EYA2: variants seen among roughly 807,000 people sequenced by gnomAD.
EYA2 encodes EYA transcriptional coactivator and phosphatase 2.
EYA2 carries 31 observed loss-of-function variants against 69.2 expected under a neutral mutation model. That is an observed-to-expected ratio of 0.45 (90% CI 0.34 to 0.60). The LOEUF (loss-of-function observed/expected upper bound fraction) is 0.60, where lower values mean the gene tolerates loss of function less well. Among genes scored for constraint, EYA2 ranks in the 20% least tolerant of loss-of-function variants. The pLI is 0.02. For synonymous variants in EYA2, 257 were observed against 279.4 expected (o/e 0.92, Z 0.80); for missense variants, 622 against 701.2 (o/e 0.89, Z 1.28).
chr20:47,018,414 G>A (rs1406807557), intron 5 of EYA2, among the ~76,000 whole-genome samples: 5 of 152,228 alleles, frequency 3.3e-5, no homozygotes, highest in African/African-American at 1.2e-4. Flanking sequence ...GAGAAAGATG[G>A]ACAGTAATCA....
chr20:46,969,425 C>T (rs1165499655), intron 1 of EYA2, among the ~76,000 whole-genome samples: 1 of 152,186 alleles, frequency 6.6e-6, no homozygotes, highest in African/African-American at 2.4e-5. Flanking sequence ...AGTAGGTTCT[C>T]TGTAGTATTT....
chr20:47,071,503 A>G (rs75339332), intron 5 of EYA2, among the ~76,000 whole-genome samples: 2,594 of 151,404 alleles, frequency 0.017, 59 homozygotes, highest in African/African-American at 0.059. Flanking sequence ...CACTTAAATG[A>G]CCAAACTCCG....
At chr20:47,061,389 G>A (rs2030877527) in intron 5 of EYA2, among the ~76,000 whole-genome samples, 1 of 152,036 alleles carries the variant, frequency 6.6e-6, no homozygotes, top group African/African-American at 2.4e-5. Context: ...ACATTAGCTG[G>A]GCATGGTGTC....
chr20:47,151,999 G>C (rs1326800360), intron 10 of EYA2, among the ~76,000 whole-genome samples: 1 of 151,964 alleles, frequency 6.6e-6, no homozygotes, highest in Non-Finnish European at 1.5e-5. Flanking sequence ...GACTTTATTA[G>C]AAATTAAGTA....
chr20:47,017,527 G>T (rs1044113896), intron 5 of EYA2, among the ~76,000 whole-genome samples: 3 of 152,008 alleles, frequency 2.0e-5, no homozygotes, highest in East Asian at 1.9e-4. Context: ...AAAAATGATT[G>T]TCAAGGGCAG....
chr20:47,138,190 ACT>A (rs1376268417), intron 9 of EYA2, among the ~76,000 whole-genome samples: 3 of 152,080 alleles, frequency 2.0e-5, no homozygotes, highest in Non-Finnish European at 4.4e-5. Flanking sequence ...CCAGGGCAAC[ACT>A]GTGTTACTTG....
intron 7 of EYA2, 123 bp downstream of exon 7, chr20:47,074,458 C>T: frequency 1.9e-6 from 2 of 1,028,314 alleles, no homozygotes; most frequent in Non-Finnish European, 2.8e-6. Flanking sequence ...ATGGATGTGG[C>T]CTGAGAGCTT....
At chr20:47,096,302 T>C (rs930373551) in intron 8 of EYA2, among the ~76,000 whole-genome samples, 1 of 152,220 alleles carries the variant, frequency 6.6e-6, no homozygotes, top group Non-Finnish European at 1.5e-5. Context: ...TGTATATTAC[T>C]AGTTACCAAC....
chr20:46,974,572 G>A (rs1464707486), intron 1 of EYA2, among the ~76,000 whole-genome samples: 1 of 152,096 alleles, frequency 6.6e-6, no homozygotes, highest in African/African-American at 2.4e-5. Context: ...CCTGCCTCTT[G>A]GTAGGATACC....
chr20:47,000,017 G>A (rs1982260084), intron 2 of EYA2, among the ~76,000 whole-genome samples: 1 of 152,174 alleles, frequency 6.6e-6, no homozygotes, highest in African/African-American at 2.4e-5. Context: ...TGTCATGGTT[G>A]AGAAGACAGA....
chr20:47,023,487 A>G (rs949740416), intron 5 of EYA2, among the ~76,000 whole-genome samples: 4 of 152,012 alleles, frequency 2.6e-5, no homozygotes, highest in African/African-American at 7.3e-5. Flanking sequence ...TATTTCTTCA[A>G]ATTTTTGTCT....
chr20:46,952,084 G>A (rs1230221779), intron 1 of EYA2, among the ~76,000 whole-genome samples: 1 of 152,256 alleles, frequency 6.6e-6, no homozygotes, highest in Non-Finnish European at 1.5e-5. Flanking sequence ...AGGCACGTGT[G>A]TAATGAATGT....
At chr20:47,106,399 A>C (rs576278199) in intron 9 of EYA2, among the ~76,000 whole-genome samples, 1 of 152,342 alleles carries the variant, frequency 6.6e-6, no homozygotes, top group African/African-American at 2.4e-5. Context: ...CACAGCATGC[A>C]TGAAATAGAA....
intron 1 of EYA2, among the ~76,000 whole-genome samples, chr20:46,937,900 GA>G (rs1985986800): frequency 6.6e-6 from 1 of 152,172 alleles, no homozygotes; most frequent in African/African-American, 2.4e-5. Flanking sequence ...GGGTTTCAAA[GA>G]GAGCATGGCA....
At chr20:47,095,739 A>C (rs2032227794) in intron 8 of EYA2, 1 of 152,214 alleles carries the variant, frequency 6.6e-6, no homozygotes, top group Non-Finnish European at 1.5e-5. Flanking sequence ...GTACCCAGAG[A>C]AACTATAGAG....
At chr20:46,940,700 G>T (rs544503315) in intron 1 of EYA2, among the ~76,000 whole-genome samples, 1 of 152,282 alleles carries the variant, frequency 6.6e-6, no homozygotes, top group East Asian at 1.9e-4. Flanking sequence ...ACAGCGCTCC[G>T]GGAGGGAAGG....
At chr20:47,160,656 T>C (rs888196904) in intron 10 of EYA2, among the ~76,000 whole-genome samples, 1 of 152,162 alleles carries the variant, frequency 6.6e-6, no homozygotes, top group African/African-American at 2.4e-5. Context: ...GTTGGGAACA[T>C]AGAAGGTGAT....
At chr20:47,051,177 A>G (rs1206835205) in intron 5 of EYA2, among the ~76,000 whole-genome samples, 1 of 152,252 alleles carries the variant, frequency 6.6e-6, no homozygotes, top group African/African-American at 2.4e-5. Context: ...CTGGCTGCCA[A>G]GGACTCATCA....
chr20:46,952,680 G>T (rs913766792), intron 1 of EYA2, among the ~76,000 whole-genome samples: 2 of 152,148 alleles, frequency 1.3e-5, no homozygotes, highest in African/African-American at 2.4e-5. Context: ...AGGCCACCCC[G>T]CACCTGGAGG....
Sources: gnomAD v4.1 joint callset for allele counts (sites outside exome capture counted in the v4.1 genomes callset) on GRCh38, gnomAD v4.1.1 for gene constraint, MANE v1.5 for transcripts, NCBI Gene and HGNC (gene_info 2026-07-23, HGNC 2026-07-21) for gene names.